DNAH6: variants seen among roughly 807,000 people sequenced by gnomAD.
The protein encoded by DNAH6 is axonemal beta dynein heavy chain 6.
In DNAH6, 340 loss-of-function variants were observed where a neutral mutation model predicts 491.4. The observed-to-expected ratio is 0.69, with a 90% confidence interval of 0.63 to 0.76. The LOEUF is 0.76. Ranked by LOEUF, DNAH6 falls within the 30% of genes least tolerant of loss-of-function variation. The pLI is 0.00. For synonymous variants in DNAH6, 1,603 were observed against 1,686.1 expected (o/e 0.95, Z 1.21); for missense variants, 4,443 against 4,972.2 (o/e 0.89, Z 3.20).
intron 10 of DNAH6, among the ~76,000 whole-genome samples, chr2:84,553,506 GGGCT>G (rs1421235546): frequency 1.4e-5 from 2 of 145,088 alleles, no homozygotes; most frequent in Non-Finnish European, 3.0e-5. Flanking sequence ...TCTGTCACCC[GGGCT>G]GGAATGCAAT....
At chr2:84,719,494 T>TG (rs1358789396) in intron 59 of DNAH6, among the ~76,000 whole-genome samples, 2 of 102,672 alleles carry the variant, frequency 1.9e-5, no homozygotes, top group Admixed American at 1.8e-4. Flanking sequence ...TGAGTTTTTG[T>TG]TTTTTTTGTT....
intron 68 of DNAH6, among the ~76,000 whole-genome samples, chr2:84,792,567 G>A (rs781634516): frequency 5.9e-5 from 9 of 152,116 alleles, no homozygotes; most frequent in Non-Finnish European, 1.0e-4. Flanking sequence ...GCGGGGGTGA[G>A]GGGAGGCCAA....
rs560726809 is a variant in DNAH6 at position 84,621,653 on chromosome 2, T to C, written c.4071+102T>C. 7.9e-6 allele frequency: 5 copies of C among 633,860 alleles called. No homozygotes were observed. In the East Asian group the frequency reaches 1.4e-4, roughly 18 times the overall value. The allele number at this position is 633,860 out of a possible 1,614,324, so 39.3% of individuals were successfully genotyped here. A position where few individuals can be genotyped will look rare whatever the true frequency, so the allele number is the denominator to read the frequency against. ...CAAATTCACTTTATTTCAGAAATTCTAATGCTCTGACATTTGTAATAGCTC... is the reference window on the plus strand; with the variant it reads ...CAAATTCACTTTATTTCAGAAATTCCAATGCTCTGACATTTGTAATAGCTC... On this transcript the variant is annotated intron_variant, in intron 26 of 76. Transcript: ENST00000389394.
chr2:84,638,425 G>C (rs559294129), intron 31 of DNAH6, among the ~76,000 whole-genome samples: 53 of 151,978 alleles, frequency 3.5e-4, no homozygotes, highest in Non-Finnish European at 5.3e-4. Context: ...TCATCTGTGT[G>C]ACCACCAAGA....
chr2:84,666,280 G>C (rs1207348662), intron 37 of DNAH6, among the ~76,000 whole-genome samples: 1 of 152,034 alleles, frequency 6.6e-6, no homozygotes. Context: ...AGAAATAAAG[G>C]GTATTCAATT....
chr2:84,664,795 A>G (rs1188763781), intron 37 of DNAH6, among the ~76,000 whole-genome samples: 1 of 152,256 alleles, frequency 6.6e-6, no homozygotes, highest in African/African-American at 2.4e-5. Context: ...CAGAATATAC[A>G]TTCTTCTCAG....
intron 5 of DNAH6, among the ~76,000 whole-genome samples, chr2:84,546,836 C>T (rs563615385): frequency 6.6e-6 from 1 of 152,276 alleles, no homozygotes; most frequent in South Asian, 2.1e-4. Flanking sequence ...TCCAAAGCAA[C>T]TTGTTACCCA....
chr2:84,681,417 A>C lies in DNAH6; in HGVS notation c.6805A>C (p.Ile2269Leu). 5.2e-6 allele frequency: 8 copies of C among 1,551,732 alleles called. No homozygotes were observed. Among genetic ancestry groups the C allele is most frequent in the Non-Finnish European group, 6.1e-6 (7 of 1,146,930 alleles). ...AGCTGTAAAGCAAACTGCATCAAGC[A>C]TTGTAGAAGCCTCAGTTGAGATTTA... ...PPAVKQTASSIVEASVEIYNK... is the reference protein window; with the variant it reads ...PPAVKQTASSLVEASVEIYNK... Residue 2269 changes from isoleucine (I) to leucine (L), a missense_variant, in exon 42 of 77, where the codon ATT becomes CTT. By Grantham distance (5) the Ile-to-Leu change is conservative. Transcript: ENST00000389394.
chr2:84,787,336 A>G lies in DNAH6; in HGVS notation c.11239+34A>G, dbSNP rs78895235. On this transcript the variant is annotated intron_variant, in intron 68 of 76. Transcript: ENST00000389394. Reference sequence around the variant, plus strand: ...GTCCTTGTGGCCAGGCCTTCCATCTATGTACCACAAAGTTGTTGGTTTACT... The same window carrying G: ...GTCCTTGTGGCCAGGCCTTCCATCTGTGTACCACAAAGTTGTTGGTTTACT... 45,024 of 1,532,294 alleles carry G rather than the reference A, an allele frequency of 0.029. 849 individuals are homozygous for G. The highest frequency in any genetic ancestry group is 0.064 in the Middle Eastern group (379 of 5,950). 94.9% of individuals were successfully genotyped at this position (1,532,294 alleles called of 1,614,324 possible). A position where few individuals can be genotyped will look rare whatever the true frequency, so the allele number is the denominator to read the frequency against.
chr2:84,653,200 G>A (rs1180207149), intron 33 of DNAH6, 119 bp from the exon 34 acceptor site: 1 of 866,410 alleles, frequency 1.2e-6, no homozygotes, highest in African/African-American at 1.7e-5. Flanking sequence ...TACTGTACAT[G>A]TCAGAAGAGA....
At position 84,791,971 on chromosome 2, in the gene DNAH6, ACAACCCAAATGTCCAT is replaced by A. The variant is rs1200474121; in HGVS notation, c.11240-4330_11240-4315del. 2.0e-5 allele frequency among the ~76,000 whole-genome samples: 3 copies of A among 152,196 alleles called. 1 individual carries two copies. Among genetic ancestry groups the A allele is most frequent in the Middle Eastern group, 6.3e-3 (2 of 316 alleles). On this transcript the variant is annotated intron_variant, in intron 68 of 76. Coordinates refer to ENST00000389394, the MANE Select transcript of DNAH6 (RefSeq NM_001370.2). Reference sequence around the variant, plus strand: ...CATTCGTAGTAGCCAAAATATGGAAACAACCCAAATGTCCATCAACATATAAATGGACACAGAGAGT... The same window carrying A: ...CATTCGTAGTAGCCAAAATATGGAAACAACATATAAATGGACACAGAGAGT...
chr2:84,729,379 C>A (rs1241009575), intron 61 of DNAH6, among the ~76,000 whole-genome samples: 1 of 152,198 alleles, frequency 6.6e-6, no homozygotes, highest in Admixed American at 6.5e-5. Context: ...GCTCTCTTAA[C>A]CAGTTCACTC....
chr2:84,634,625 A>T lies in DNAH6; in HGVS notation c.4637A>T (p.Asn1546Ile). Residue 1546 changes from asparagine (N) to isoleucine (I), a missense_variant, in exon 30 of 77, where the codon AAC becomes ATC. Physicochemically the swap from Asn to Ile is moderately radical, Grantham distance 149. Around this residue, in one of 3 missense-constraint regions of DNAH6, gnomAD observed 2,977 missense variants for 3,296.6 expected, o/e 0.90. Coordinates refer to ENST00000389394, the MANE Select transcript of DNAH6 (RefSeq NM_001370.2). ...VIAQQLITIR[N>I]AKAAKLSRFM... is the part of the protein sequence containing the mutation. ...GCGCAGCAACTCATTACCATTAGGAACGCCAAAGCGGCAAAGGTAAGGCAC... is the reference window on the plus strand; with the variant it reads ...GCGCAGCAACTCATTACCATTAGGATCGCCAAAGCGGCAAAGGTAAGGCAC... The T allele has an allele frequency of 6.5e-7, 1 of 1,537,816 alleles. No homozygotes were observed. The highest frequency in any genetic ancestry group is 8.8e-7 in the Non-Finnish European group (1 of 1,142,156).
At chr2:84,694,550 A>G in intron 46 of DNAH6, 70 bp downstream of exon 46, 2 of 1,162,214 alleles carry the variant, frequency 1.7e-6, no homozygotes, top group Non-Finnish European at 1.2e-6. Flanking sequence ...GTGTGCTTTG[A>G]ACAGTTTGTA....
chr2:84,671,482 A>T (rs888651683), intron 39 of DNAH6, among the ~76,000 whole-genome samples: 1 of 152,156 alleles, frequency 6.6e-6, no homozygotes, highest in Non-Finnish European at 1.5e-5. Context: ...ACCATCCAGC[A>T]GGCCCTGTCA....
intron 5 of DNAH6, among the ~76,000 whole-genome samples, chr2:84,546,532 T>C (rs1190888457): frequency 6.6e-6 from 1 of 152,208 alleles, no homozygotes; most frequent in African/African-American, 2.4e-5. Context: ...CCTTTATGAC[T>C]GACTTTTGTT....
chr2:84,544,386 A>G lies in DNAH6; in HGVS notation c.816A>G (p.Ile272Met), dbSNP rs775905539. 2 of 1,546,014 alleles carry G rather than the reference A, an allele frequency of 1.3e-6. No homozygotes were observed. Among genetic ancestry groups the G allele is most frequent in the African/African-American group, 1.4e-5 (1 of 72,946 alleles). ...ACAGAGAACTCACTAAGATTCCCATATTTTCACTGTTCCGGAAATGGAAGG... is the reference window on the plus strand; with the variant it reads ...ACAGAGAACTCACTAAGATTCCCATGTTTTCACTGTTCCGGAAATGGAAGG... Reference protein sequence around the residue: ...LYHRELTKIPIFSLFRKWKAF... With the variant: ...LYHRELTKIPMFSLFRKWKAF... Residue 272 changes from isoleucine to methionine, a missense_variant, in exon 5 of 77, where the codon ATA becomes ATG. By Grantham distance (10) the Ile-to-Met change is conservative. This residue lies in a region of DNAH6 where 2,977 missense variants were observed against 3,296.6 expected (regional missense o/e 0.90). Transcript: ENST00000389394.
chr2:84,465,284 A>G, the DNAH6 span, among the ~76,000 whole-genome samples: 1 of 152,174 alleles, frequency 6.6e-6, no homozygotes, highest in African/African-American at 2.4e-5. Context: ...TCACGAGGTC[A>G]GGAGATCGAG....
intron 15 of DNAH6, chr2:84,584,811 T>C (rs1683372733): frequency 6.6e-6 from 1 of 152,312 alleles, no homozygotes; most frequent in Non-Finnish European, 1.5e-5. Context: ...AGTTTACCTG[T>C]ATAACAAACC....
Sources: gnomAD v4.1 joint callset for allele counts (sites outside exome capture counted in the v4.1 genomes callset) on GRCh38, gnomAD v4.1.1 for gene constraint, gnomAD v4.1.1 regional missense constraint, MANE v1.5 for transcripts, NCBI Gene and HGNC (gene_info 2026-07-23, HGNC 2026-07-21) for gene names.